The following ACOT1 variants were observed in gnomAD, a reference collection of about 807,000 sequenced individuals.
ACOT1 encodes acyl-CoA thioesterase 1, also known as acyl-coenzyme A thioesterase 1.
In ACOT1, 8 loss-of-function variants were observed where a neutral mutation model predicts 15.7. That is an observed-to-expected ratio of 0.51 (90% CI 0.30 to 0.92). ACOT1 has a LOEUF of 0.92. ACOT1 is among the 40% of genes least tolerant of loss of function. ACOT1 has a pLI of 0.06. For missense variants in ACOT1, 151 were observed against 539.4 expected, an observed-to-expected ratio of 0.28 and a Z score of 7.13; for synonymous variants, 67 against 241.2, an observed-to-expected ratio of 0.28 and a Z score of 6.69.
the ACOT1 span, among the ~76,000 whole-genome samples, chr14:73,504,559 T>G: frequency 6.6e-6 from 1 of 152,142 alleles, no homozygotes; most frequent in Non-Finnish European, 1.5e-5. Flanking sequence ...GCATTTCTAA[T>G]AATGCTCCTA....
the ACOT1 span, chr14:73,496,521 C>T: frequency 1.2e-6 from 1 of 832,016 alleles, no homozygotes; most frequent in Non-Finnish European, 2.1e-6. Context: ...AGGGTATGTA[C>T]ATGTTTGAGG....
chr14:73,506,343 A>G, the ACOT1 span: 2 of 664,722 alleles, frequency 3.0e-6, no homozygotes, highest in East Asian at 2.6e-5. Flanking sequence ...AGTAAGAAGT[A>G]GTGATGTGGG....
At chr14:73,522,617 G>A in the ACOT1 span, 1 of 1,614,144 alleles carries the variant, frequency 6.2e-7, no homozygotes, top group Non-Finnish European at 8.5e-7. Context: ...ATCTAGAGAA[G>A]GTGGCCGACC....
chr14:73,510,975 C>G, the ACOT1 span, among the ~76,000 whole-genome samples: 2 of 152,202 alleles, frequency 1.3e-5, no homozygotes, highest in Non-Finnish European at 2.9e-5. Flanking sequence ...TAGCTCTTCT[C>G]AGTCCCAATG....
the ACOT1 span, chr14:73,512,031 C>G: frequency 3.1e-6 from 5 of 1,613,944 alleles, no homozygotes; most frequent in South Asian, 4.4e-5. Context: ...TGGTGGCAAT[C>G]CGGGGCCGTT....
At position 73,539,069 on chromosome 14, in the gene ACOT1, T is replaced by C. The variant is rs148022434; in HGVS notation, c.457+1191T>C. Among the ~76,000 whole-genome samples the C allele has an allele frequency of 5.2e-5, 6 of 116,070 alleles. 2 individuals carry two copies. Among genetic ancestry groups the C allele is most frequent in the Admixed American group, 2.9e-4 (3 of 10,406 alleles). The allele number at this position is 116,070 out of a possible 152,430, so 76.1% of individuals were successfully genotyped here. A position where few individuals can be genotyped will look rare whatever the true frequency, so the allele number is the denominator to read the frequency against. Reference sequence around the variant, plus strand: ...TGGACCAGGAAGTCACTTTTTTTTTTAATAAAAAGAATTCCAACTGGTTTT... The same window carrying C: ...TGGACCAGGAAGTCACTTTTTTTTTCAATAAAAAGAATTCCAACTGGTTTT... On this transcript the variant is annotated intron_variant, in intron 1 of 2. Coordinates refer to ENST00000311148, the MANE Select transcript of ACOT1 (RefSeq NM_001037161.2).
At chr14:73,509,810 CCATATATATATATATATATATATATATA>C in the ACOT1 span, among the ~76,000 whole-genome samples, 9,624 of 63,210 alleles carry the variant, frequency 0.15, 1,703 homozygotes, top group East Asian at 0.39. Context: ...CCCCATGAGC[CCATATATATATATATATATATATATATA>C]TATATATATA....
At chr14:73,533,689 T>A (rs1358468731), upstream of ACOT1, among the ~76,000 whole-genome samples, 3 of 106,486 alleles carry the variant, frequency 2.8e-5, 1 homozygote, top group Non-Finnish European at 6.0e-5. Flanking sequence ...GTTCTGGAAA[T>A]GGATAATGGT....
At chr14:73,522,816 G>A in the ACOT1 span, 5 of 1,614,218 alleles carry the variant, frequency 3.1e-6, no homozygotes, top group Non-Finnish European at 4.2e-6. Flanking sequence ...GGTTTCTGAG[G>A]CCGGGCCTTC....
the ACOT1 span, chr14:73,499,257 G>T: frequency 1.2e-6 from 1 of 838,482 alleles, no homozygotes; most frequent in South Asian, 1.4e-5. Flanking sequence ...AAGGTGGGCG[G>T]ATCACTTGAC....
chr14:73,518,402 T>C, the ACOT1 span, among the ~76,000 whole-genome samples: 1 of 146,950 alleles, frequency 6.8e-6, no homozygotes, highest in Non-Finnish European at 1.5e-5. Flanking sequence ...AGACTCTGTC[T>C]CCAAAAAAAG....
At chr14:73,523,100 G>A in the ACOT1 span, 10 of 1,610,636 alleles carry the variant, frequency 6.2e-6, no homozygotes, top group Non-Finnish European at 8.5e-6. Context: ...TGGGGGCAGT[G>A]ACTGATAGAA....
chr14:73,498,171 G>A, the ACOT1 span: 1 of 1,611,998 alleles, frequency 6.2e-7, no homozygotes, highest in East Asian at 2.2e-5. Context: ...ACAGCATCGT[G>A]GTTCTCCAGG....
the ACOT1 span, among the ~76,000 whole-genome samples, chr14:73,509,862 A>ATT: frequency 5.7e-4 from 36 of 63,198 alleles, 3 homozygotes; most frequent in African/African-American, 2.3e-3. Context: ...ATATATATAT[A>ATT]TATATATTTA....
chr14:73,491,848 ACCC>A, the ACOT1 span: 1 of 1,607,354 alleles, frequency 6.2e-7, no homozygotes, highest in Middle Eastern at 1.7e-4. Context: ...CCCTGAACCC[ACCC>A]GGCCGCGCGC....
chr14:73,492,412 G>C, the ACOT1 span: 3 of 1,613,746 alleles, frequency 1.9e-6, no homozygotes, highest in Admixed American at 3.3e-5. The surrounding 1 kb of genome is among the most constrained non-coding windows in gnomAD (Gnocchi z 4.9). Context: ...TGGGGGCCCA[G>C]CATTCAGATT....
At chr14:73,498,248 C>T in the ACOT1 span, 2 of 1,614,088 alleles carry the variant, frequency 1.2e-6, no homozygotes, top group Non-Finnish European at 1.7e-6. Context: ...GATGCTACGG[C>T]AAGCTTCCAG....
At chr14:73,524,152 C>T in the ACOT1 span, among the ~76,000 whole-genome samples, 6 of 151,348 alleles carry the variant, frequency 4.0e-5, no homozygotes, top group Admixed American at 6.6e-5. Context: ...ATTAGCCAGG[C>T]GCGGTGGCAT....
chr14:73,519,511 C>T, the ACOT1 span, among the ~76,000 whole-genome samples: 2 of 151,614 alleles, frequency 1.3e-5, no homozygotes, highest in Admixed American at 6.6e-5. Context: ...TTTGGGAGGC[C>T]GAGGTGGGTG....
Sources: allele counts gnomAD v4.1 joint callset (sites outside exome capture counted in the v4.1 genomes callset), GRCh38; gene constraint gnomAD v4.1.1; non-coding constraint Gnocchi (gnomAD v3.1); transcripts MANE v1.5; gene names NCBI Gene and HGNC (gene_info 2026-07-23, HGNC 2026-07-21).